The following METTL6 variants were observed in gnomAD, a reference collection of about 807,000 sequenced individuals.
METTL6 encodes tRNA N(3)-cytidine methyltransferase METTL6.
In METTL6, 22 loss-of-function variants were observed where a neutral mutation model predicts 26.4. That is an observed-to-expected ratio of 0.83 (90% CI 0.59 to 1.19). The LOEUF is 1.19. Ranked by LOEUF, METTL6 falls within the 50% of genes most tolerant of loss-of-function variation. The pLI is 0.00. For missense variants in METTL6, 304 were observed against 324.8 expected (o/e 0.94, Z 0.49); for synonymous variants, 109 against 116.2 (o/e 0.94, Z 0.40).
At chr3:15,392,225 T>A (rs1699369323) in intron 6 of METTL6, among the ~76,000 whole-genome samples, 1 of 152,230 alleles carries the variant, frequency 6.6e-6, no homozygotes, top group Admixed American at 6.5e-5. Flanking sequence ...ATTGTGGTTT[T>A]GATTTGCATT....
At chr3:15,421,626 AT>A (rs1333415990) in intron 3 of METTL6, among the ~76,000 whole-genome samples, 1 of 152,158 alleles carries the variant, frequency 6.6e-6, no homozygotes, top group African/African-American at 2.4e-5. Flanking sequence ...AATTAAAAAA[AT>A]CTTTTTGGCC....
rs911140040 is a variant in METTL6, at chr3:15,425,143, T to C, written c.226-54A>G. ...ATATCACATTTGCATAATGAAGAAA[T>C]AAACCAAACTAAAAGGTCCAGAATA... On this transcript the variant is annotated intron_variant, in intron 2 of 5. Coordinates refer to ENST00000383790, the MANE Select transcript of METTL6 (RefSeq NM_152396.4). 3.1e-5 allele frequency: 50 copies of C among 1,592,444 alleles called. No homozygotes were observed. The Middle Eastern group carries it at 5.0e-4, about 16-fold the overall frequency.
chr3:15,403,258 G>A (rs1231266796), intron 6 of METTL6, among the ~76,000 whole-genome samples: 2 of 152,110 alleles, frequency 1.3e-5, no homozygotes, highest in Non-Finnish European at 2.9e-5. Flanking sequence ...TTATAGGTAT[G>A]AGCCACCATG....
At chr3:15,417,813 C>T (rs1253807068) in intron 3 of METTL6, among the ~76,000 whole-genome samples, 1 of 152,094 alleles carries the variant, frequency 6.6e-6, no homozygotes, top group Non-Finnish European at 1.5e-5. Context: ...GAGACACAGG[C>T]CCACGGTACC....
chr3:15,405,033 A>G (rs1366779987), downstream of METTL6, among the ~76,000 whole-genome samples: 1 of 152,218 alleles, frequency 6.6e-6, no homozygotes, highest in Non-Finnish European at 1.5e-5. Flanking sequence ...GCTACAAATA[A>G]TATCTGCGTG....
intron 6 of METTL6, among the ~76,000 whole-genome samples, chr3:15,391,602 CT>C (rs1273541886): frequency 6.6e-6 from 1 of 151,488 alleles, no homozygotes; most frequent in African/African-American, 2.4e-5. Flanking sequence ...CACCCAATAA[CT>C]CGTCATTTAA....
chr3:15,408,263 C>T (rs1023181105), downstream of METTL6, among the ~76,000 whole-genome samples: 3 of 151,968 alleles, frequency 2.0e-5, no homozygotes, highest in Non-Finnish European at 2.9e-5. Context: ...ATGCTGGACG[C>T]GTCATACAGG....
chr3:15,411,349 G>C lies in METTL6; in HGVS notation c.762C>G (p.Gly254=). The stretch of plus-strand genomic sequence containing the variant: ...GAAGGAAAACTCTTGGCACACACAG[G>C]CCTTCTTTTTTATTCACCGTCTCTC... ...VFRETVNKKE[G]LCVPRVFLQS... is the part of the protein sequence containing the mutation. Residue 254 remains glycine, a synonymous_variant, in exon 6 of 6, where the codon GGC becomes GGG. Coordinates refer to ENST00000383790, the MANE Select transcript of METTL6 (RefSeq NM_152396.4). 1 of 1,614,160 alleles carries C rather than the reference G, an allele frequency of 6.2e-7. No individual in the cohort carries two copies. Among genetic ancestry groups the C allele is most frequent in the South Asian group, 1.1e-5 (1 of 91,088 alleles).
intron 6 of METTL6, among the ~76,000 whole-genome samples, chr3:15,402,122 A>C (rs1246777229): frequency 2.0e-5 from 3 of 152,168 alleles, no homozygotes; most frequent in African/African-American, 7.2e-5. Flanking sequence ...ACCTCTTTCC[A>C]GTAACACAAT....
intron 6 of METTL6, among the ~76,000 whole-genome samples, chr3:15,403,426 G>T (rs1356228654): frequency 1.3e-5 from 2 of 152,120 alleles, no homozygotes; most frequent in Admixed American, 6.5e-5. Context: ...AAGGAGCTAC[G>T]TGTCATGTTC....
At chr3:15,420,824 C>A (rs1198593185) in intron 3 of METTL6, among the ~76,000 whole-genome samples, 7 of 152,178 alleles carry the variant, frequency 4.6e-5, no homozygotes. Context: ...TTGTTAAAGT[C>A]CCCTCTAAGC....
At chr3:15,396,983 G>A (rs1699505741) in intron 6 of METTL6, among the ~76,000 whole-genome samples, 1 of 152,214 alleles carries the variant, frequency 6.6e-6, no homozygotes, top group East Asian at 1.9e-4. Context: ...CCAGCTGCGT[G>A]CTGGAAGAAC....
chr3:15,384,253 G>A (rs181071679), intron 6 of METTL6: 187 of 298,030 alleles, frequency 6.3e-4, no homozygotes, highest in Admixed American at 1.0e-3. Flanking sequence ...ATAAAATGAA[G>A]CCCATGTTGA....
chr3:15,427,586 C>T (rs569470477), upstream of METTL6: 30 of 585,684 alleles, frequency 5.1e-5, 1 homozygote, highest in South Asian at 5.8e-4. Context: ...ACGGCCTTGC[C>T]TCCTCAGATT....
At chr3:15,384,116 T>C (rs1376987227) in exon 7 of METTL6, 3 of 407,568 alleles carry the variant, frequency 7.4e-6, no homozygotes, top group East Asian at 1.9e-4. Context: ...TTATTTTCTG[T>C]GGTTCATATA....
rs554747328 is a variant in METTL6, at chr3:15,426,650, G to T, written c.-124-15C>A. Reference sequence around the variant, plus strand: ...AGCACAGGGGGCTTCGCAGAGAAAAGAATTAGATTCTGGTTAGTGGTTACA... The same window carrying T: ...AGCACAGGGGGCTTCGCAGAGAAAATAATTAGATTCTGGTTAGTGGTTACA... On this transcript the variant is annotated splice_polypyrimidine_tract_variant and intron_variant, in intron 1 of 5. Coordinates refer to ENST00000383790, the MANE Select transcript of METTL6 (RefSeq NM_152396.4). 8.2e-6 allele frequency: 6 copies of T among 735,810 alleles called. No individual in the cohort carries two copies. Among genetic ancestry groups the T allele is most frequent in the South Asian group, 1.8e-5 (1 of 54,954 alleles). 45.6% of individuals were successfully genotyped at this position (735,810 alleles called of 1,614,324 possible).
downstream of METTL6, among the ~76,000 whole-genome samples, chr3:15,405,143 T>C (rs1372209363): frequency 6.6e-6 from 1 of 152,140 alleles, no homozygotes; most frequent in Non-Finnish European, 1.5e-5. Flanking sequence ...GATAGGAAAG[T>C]ACAAAGGGGT....
chr3:15,389,425 G>T (rs1274817972), intron 6 of METTL6, among the ~76,000 whole-genome samples: 2 of 152,110 alleles, frequency 1.3e-5, no homozygotes, highest in Non-Finnish European at 2.9e-5. Context: ...TGTAGATAGA[G>T]AAAAAGTCTC....
At position 15,425,044 on chromosome 3, in the gene METTL6, C is replaced by A; in HGVS notation, c.271G>T (p.Gly91Ter). ...TCTAAAAGTGGGAATAAACAGTTTC[C>A]AACCCCACAGCCAGCTTCAAGCATT... is the stretch of plus-strand genomic sequence containing the variant. ...LTMLEAGCGV[G>*]NCLFPLLEED... Residue 91 changes from glycine (G) to a stop codon, truncating the protein, a stop_gained, in exon 3 of 6, where the codon GGA (glycine) becomes TGA (stop). Transcript: ENST00000383790. LOFTEE classifies it high-confidence loss of function. 4 of 1,614,170 alleles carry A rather than the reference C, an allele frequency of 2.5e-6. No homozygotes were observed. The highest frequency in any genetic ancestry group is 3.4e-6 in the Non-Finnish European group (4 of 1,180,028).
Sources: allele counts gnomAD v4.1 joint callset (sites outside exome capture counted in the v4.1 genomes callset), GRCh38; gene constraint gnomAD v4.1.1; transcripts MANE v1.5; gene names NCBI Gene and HGNC (gene_info 2026-07-23, HGNC 2026-07-21).